The following SLC1A3 variants were observed in gnomAD, a reference collection of about 807,000 sequenced individuals.
The protein encoded by SLC1A3 is solute carrier family 1 member 3, also known as excitatory amino acid transporter 1.
SLC1A3 carries 21 observed loss-of-function variants against 48.1 expected under a neutral mutation model. The observed-to-expected ratio is 0.44, with a 90% CI of 0.31 to 0.63. SLC1A3 has a LOEUF of 0.63. Ranked by LOEUF, SLC1A3 falls within the 20% of genes least tolerant of loss-of-function variation. SLC1A3 has a pLI of 0.08. For synonymous variants in SLC1A3, 239 were observed against 251.4 expected, an observed-to-expected ratio of 0.95 and a Z score of 0.47; for missense variants, 546 against 689.0, an observed-to-expected ratio of 0.79 and a Z score of 2.32.
intron 2 of SLC1A3, among the ~76,000 whole-genome samples, chr5:36,627,945 G>T (rs961103409): frequency 1.3e-5 from 2 of 152,124 alleles, no homozygotes; most frequent in Non-Finnish European, 1.5e-5. Context: ...TCCTCCTGGG[G>T]TTGTTGCAAG....
At chr5:36,607,867 A>G (rs1357412116) in intron 1 of SLC1A3, among the ~76,000 whole-genome samples, 1 of 152,188 alleles carries the variant, frequency 6.6e-6, no homozygotes, top group Non-Finnish European at 1.5e-5. Flanking sequence ...GACAACTCCC[A>G]CCTATCAGTA....
At chr5:36,659,173 A>G (rs1275151218) in intron 3 of SLC1A3, among the ~76,000 whole-genome samples, 1 of 152,166 alleles carries the variant, frequency 6.6e-6, no homozygotes, top group Non-Finnish European at 1.5e-5. Flanking sequence ...TGGGCACTGG[A>G]GTTGGAGAGA....
intron 3 of SLC1A3, among the ~76,000 whole-genome samples, chr5:36,649,138 G>A (rs1199926474): frequency 6.6e-6 from 1 of 151,988 alleles, no homozygotes; most frequent in African/African-American, 2.4e-5. Context: ...GAGATTGGGA[G>A]TTCGAGACCA....
intron 3 of SLC1A3, among the ~76,000 whole-genome samples, chr5:36,635,350 A>C (rs1193301554): frequency 6.6e-6 from 1 of 152,200 alleles, no homozygotes; most frequent in African/African-American, 2.4e-5. Context: ...TAGCAGCAAG[A>C]GCTGTCTTCT....
chr5:36,630,105 C>T, intron 3 of SLC1A3: 1 of 158,822 alleles, frequency 6.3e-6, no homozygotes, highest in Non-Finnish European at 1.4e-5. Context: ...CCTGGTGTAC[C>T]CGCATGATTT....
chr5:36,602,482 G>A (rs151206810), upstream of SLC1A3, among the ~76,000 whole-genome samples: 19 of 152,256 alleles, frequency 1.2e-4, no homozygotes, highest in East Asian at 3.3e-3. Context: ...CCAGCTAAAC[G>A]GATATTCTTG....
chr5:36,674,139 A>G (rs1742107332), intron 5 of SLC1A3, 48 bp downstream of exon 5: 1 of 1,461,918 alleles, frequency 6.8e-7, no homozygotes, highest in Non-Finnish European at 9.6e-7. Context: ...CCTCTTTTCT[A>G]TACCAAACCA....
chr5:36,651,851 C>G (rs1394189854), intron 3 of SLC1A3, among the ~76,000 whole-genome samples: 2 of 152,070 alleles, frequency 1.3e-5, no homozygotes, highest in African/African-American at 4.8e-5. Context: ...TCTCCACTTT[C>G]ATGTTAAAAA....
At position 36,629,511 on chromosome 5, in the gene SLC1A3, C is replaced by T. The variant is rs752984932; in HGVS notation, c.243C>T (p.Phe81=). 3 of 1,611,630 alleles carry T rather than the reference C, an allele frequency of 1.9e-6. No homozygotes were observed. Among genetic ancestry groups the T allele is most frequent in the Non-Finnish European group, 2.5e-6 (3 of 1,179,024 alleles). ...YRMSYREVKY[F]SFPGELLMRM... ...TGAGCTACCGGGAAGTCAAGTACTT[C>T]TCCTTTCCTGGGGAACTTCTGATGA... The change falls in exon 3 of 10, where the codon TTC becomes TTT. Residue 81 remains phenylalanine (F), a synonymous_variant. Transcript: ENST00000265113.
At position 36,672,697 on chromosome 5, in the gene SLC1A3, T is replaced by C. The variant is rs146860432; in HGVS notation, c.525-1352T>C. ...CATGGGTGACTTTGCACCATCTCTA[T>C]GTATGTAAACACTACCCAAGGGGCC... On this transcript the variant is annotated intron_variant, in intron 4 of 9. Coordinates refer to ENST00000265113, the MANE Select transcript of SLC1A3 (RefSeq NM_004172.5). 2.0e-5 allele frequency among the ~76,000 whole-genome samples: 3 copies of C among 152,292 alleles called. No homozygotes were observed. The East Asian group carries it at 5.8e-4, about 29-fold the overall frequency.
intron 3 of SLC1A3, among the ~76,000 whole-genome samples, chr5:36,657,954 G>A (rs1281807900): frequency 1.3e-5 from 2 of 152,236 alleles, no homozygotes; most frequent in South Asian, 2.1e-4. Context: ...TGACAAAGCA[G>A]AGTAGCTACT....
chr5:36,597,315 C>G (rs1738755909), intron 1 of SLC1A3, among the ~76,000 whole-genome samples: 1 of 121,240 alleles, frequency 8.2e-6, no homozygotes, highest in African/African-American at 3.1e-5. Flanking sequence ...GGTGCGATCT[C>G]GGCTCACTGC....
chr5:36,618,158 C>A (rs1030135964), intron 2 of SLC1A3, among the ~76,000 whole-genome samples: 1 of 152,148 alleles, frequency 6.6e-6, no homozygotes, highest in Non-Finnish European at 1.5e-5. Flanking sequence ...CAGGTATCTC[C>A]CTGCTTCTAA....
chr5:36,652,738 C>T (rs1261518118), intron 3 of SLC1A3, among the ~76,000 whole-genome samples: 1 of 152,152 alleles, frequency 6.6e-6, no homozygotes, highest in African/African-American at 2.4e-5. Flanking sequence ...CCATAGTGAT[C>T]CCCAGATGTA....
At chr5:36,597,188 C>T (rs1230108831) in intron 1 of SLC1A3, among the ~76,000 whole-genome samples, 1 of 140,184 alleles carries the variant, frequency 7.1e-6, no homozygotes, top group Non-Finnish European at 1.5e-5. Context: ...TAATATAAAC[C>T]TATTTTTGAT....
chr5:36,612,547 C>T (rs1312464241), intron 2 of SLC1A3, among the ~76,000 whole-genome samples: 1 of 151,722 alleles, frequency 6.6e-6, no homozygotes, highest in Non-Finnish European at 1.5e-5. Context: ...CATGTTCATG[C>T]CATTGCACTC....
At position 36,630,775 on chromosome 5, in the gene SLC1A3, T is replaced by C. The variant is rs1455099733; in HGVS notation, c.319+1188T>C. Among the ~76,000 whole-genome samples, 13 of 152,332 alleles carry C rather than the reference T, an allele frequency of 8.5e-5. No homozygotes were observed. In the East Asian group the frequency reaches 2.3e-3, roughly 27 times the overall value. On this transcript the variant is annotated intron_variant, in intron 3 of 9. Transcript: ENST00000265113. The stretch of plus-strand genomic sequence containing the variant: ...TTTCCCTCAATGCCTTGCAGATCTC[T>C]GCTGGTTTCCACTTGTCCAGGGCCT...
At chr5:36,673,388 G>GTC (rs1742075522) in intron 4 of SLC1A3, among the ~76,000 whole-genome samples, 1 of 152,272 alleles carries the variant, frequency 6.6e-6, no homozygotes, top group Admixed American at 6.5e-5. Context: ...TCACACAGCT[G>GTC]ATGACAGACT....
Position 36,663,123 on chromosome 5 carries a change from A to G in SLC1A3, c.320-7906A>G, listed in dbSNP as rs151278942. ...GTTGACTTTTTCTGCCACTAATAAT[A>G]CTGTCTTCGCCACTGATTTTTTTCT... On this transcript the variant is annotated intron_variant, in intron 3 of 9. Transcript: ENST00000265113. 5.8e-3 allele frequency among the ~76,000 whole-genome samples: 881 copies of G among 152,298 alleles called. 17 individuals are homozygous for G. The highest frequency in any genetic ancestry group is 0.02 in the African/African-American group (838 of 41,574).
Sources: gnomAD v4.1 joint callset for allele counts (sites outside exome capture counted in the v4.1 genomes callset) on GRCh38, gnomAD v4.1.1 for gene constraint, MANE v1.5 for transcripts, NCBI Gene and HGNC (gene_info 2026-07-23, HGNC 2026-07-21) for gene names.